Variants in FRMD4A observed in about 807,000 individuals in gnomAD.
FRMD4A encodes FERM domain containing 4A, also known as FERM domain-containing protein 4A.
FRMD4A carries 29 observed loss-of-function variants against 129.1 expected under a neutral mutation model. The ratio of observed to expected loss-of-function variants is 0.22; its 90% CI spans 0.17 to 0.31. The LOEUF is 0.31. Among genes scored for constraint, FRMD4A ranks in the 10% least tolerant of loss-of-function variants. FRMD4A has a pLI of 1.00. For missense variants in FRMD4A, 1,272 were observed against 1,375.8 expected, an observed-to-expected ratio of 0.92 and a Z score of 1.19; for synonymous variants, 634 against 571.6, an observed-to-expected ratio of 1.11 and a Z score of -1.56.
chr10:13,914,314 A>G (rs879700135), intron 2 of FRMD4A, among the ~76,000 whole-genome samples: 27 of 152,224 alleles, frequency 1.8e-4, no homozygotes, highest in Admixed American at 4.6e-4. Context: ...AGGAATGTCA[A>G]TTTCTGAAAT....
intron 3 of FRMD4A, among the ~76,000 whole-genome samples, chr10:13,844,162 T>C (rs1268152032): frequency 2.0e-5 from 3 of 152,154 alleles, no homozygotes; most frequent in African/African-American, 7.2e-5. Context: ...CATGAGTATA[T>C]GTATGTGAGT....
At chr10:14,202,505 G>A (rs765663037) in intron 2 of FRMD4A, among the ~76,000 whole-genome samples, 69 of 152,204 alleles carry the variant, frequency 4.5e-4, no homozygotes, top group Admixed American at 9.2e-4. Flanking sequence ...GGGTTCAAGC[G>A]ATTCTCCTGC....
intron 3 of FRMD4A, among the ~76,000 whole-genome samples, chr10:13,824,513 A>G (rs2093673185): frequency 6.6e-6 from 1 of 151,664 alleles, no homozygotes; most frequent in Admixed American, 6.6e-5. Context: ...ATAAATAAAT[A>G]AAGATAAAAA....
chr10:14,131,402 C>T (rs370651688), intron 2 of FRMD4A, among the ~76,000 whole-genome samples: 22 of 151,870 alleles, frequency 1.4e-4, no homozygotes, highest in Non-Finnish European at 2.4e-4. Context: ...CTGTGCCCCC[C>T]CCGGCCGCCC....
intron 2 of FRMD4A, among the ~76,000 whole-genome samples, chr10:14,115,589 T>A (rs1157230005): frequency 2.0e-5 from 3 of 152,166 alleles, no homozygotes; most frequent in Admixed American, 2.0e-4. Context: ...GATGTTTGGA[T>A]CATGGGAAAG....
At chr10:13,938,871 G>A (rs926251820) in intron 2 of FRMD4A, among the ~76,000 whole-genome samples, 3 of 151,798 alleles carry the variant, frequency 2.0e-5, no homozygotes, top group African/African-American at 7.3e-5. Flanking sequence ...GAAAGACCTG[G>A]TCCCAAATGT....
At chr10:13,895,330 C>G (rs149969038) in intron 2 of FRMD4A, among the ~76,000 whole-genome samples, 1 of 152,284 alleles carries the variant, frequency 6.6e-6, no homozygotes, top group East Asian at 1.9e-4. Flanking sequence ...TAAATGAGAA[C>G]ATGCAGAATT....
chr10:14,303,105 G>T (rs894771981), intron 2 of FRMD4A, among the ~76,000 whole-genome samples: 11 of 152,166 alleles, frequency 7.2e-5, no homozygotes, highest in Non-Finnish European at 1.3e-4. Flanking sequence ...TCCCTAGAGA[G>T]CTTTTGAAAA....
intron 2 of FRMD4A, among the ~76,000 whole-genome samples, chr10:14,046,520 T>A (rs1450439256): frequency 1.3e-5 from 2 of 152,172 alleles, no homozygotes; most frequent in African/African-American, 2.4e-5. Context: ...AATGCCTAAT[T>A]TGATGACATT....
At chr10:13,800,638 C>T (rs924774110) in intron 4 of FRMD4A, among the ~76,000 whole-genome samples, 1 of 152,220 alleles carries the variant, frequency 6.6e-6, no homozygotes, top group Non-Finnish European at 1.5e-5. Context: ...TGACCACACA[C>T]ACTGCAAGAG....
At chr10:13,771,313 G>A (rs1403492961) in intron 6 of FRMD4A, among the ~76,000 whole-genome samples, 1 of 152,014 alleles carries the variant, frequency 6.6e-6, no homozygotes, top group Non-Finnish European at 1.5e-5. Flanking sequence ...CTGGCCTCAA[G>A]CCAACTGCCT....
rs2095433088 is a variant in FRMD4A, at chr10:13,959,508, TG to T, written c.46-100597del. On this transcript the variant is annotated intron_variant, in intron 2 of 24. Coordinates refer to ENST00000357447, the MANE Select transcript of FRMD4A (RefSeq NM_018027.5). The stretch of plus-strand genomic sequence containing the variant: ...AAAAAAAAAAAAAAAAAGCTGTGAG[TG>T]ATTTTTTTTTTTAGATTTGTAATCA... Among the ~76,000 whole-genome samples the T allele has an allele frequency of 5.4e-5, 4 of 73,674 alleles. 1 individual carries two copies. The highest frequency in any genetic ancestry group is 1.2e-4 in the Non-Finnish European group (4 of 32,182). The allele number at this position is 73,674 out of a possible 152,430, so 48.3% of individuals were successfully genotyped here.
chr10:13,666,572 C>G (rs754609964), intron 17 of FRMD4A, among the ~76,000 whole-genome samples: 2 of 152,196 alleles, frequency 1.3e-5, no homozygotes, highest in Non-Finnish European at 2.9e-5. Flanking sequence ...AGAGTTCCCA[C>G]GATGCAGGTT....
chr10:13,898,626 C>A (rs928855665), intron 2 of FRMD4A, among the ~76,000 whole-genome samples: 2 of 152,180 alleles, frequency 1.3e-5, no homozygotes, highest in African/African-American at 4.8e-5. Flanking sequence ...GCTTCTCTGA[C>A]CAGCTTGGAG....
intron 3 of FRMD4A, among the ~76,000 whole-genome samples, chr10:13,840,907 A>C (rs1216260893): frequency 6.6e-6 from 1 of 151,976 alleles, no homozygotes; most frequent in Non-Finnish European, 1.5e-5. Context: ...CAGGAGTTCG[A>C]CACCAGCCTG....
intron 14 of FRMD4A, among the ~76,000 whole-genome samples, chr10:13,694,649 C>T (rs188113398): frequency 2.0e-5 from 3 of 152,288 alleles, no homozygotes; most frequent in Non-Finnish European, 4.4e-5. Context: ...GACAGTGGTT[C>T]TCCAGCTTGG....
chr10:13,712,711 C>T (rs757994744), intron 12 of FRMD4A, among the ~76,000 whole-genome samples: 5 of 152,166 alleles, frequency 3.3e-5, no homozygotes, highest in African/African-American at 4.8e-5. Flanking sequence ...ATCACAGGTC[C>T]TCCACTTCCC....
At chr10:13,665,955 T>A in intron 18 of FRMD4A, 142 bp downstream of exon 18, 1 of 647,200 alleles carries the variant, frequency 1.5e-6, no homozygotes, top group South Asian at 1.8e-5. Flanking sequence ...CCTTACTCGC[T>A]TCATTTTATG....
intron 2 of FRMD4A, among the ~76,000 whole-genome samples, chr10:13,981,738 CAAAAAAAAAAAAAAA>C (rs55829400): frequency 0.18 from 17,810 of 97,806 alleles, 2,987 homozygotes; most frequent in African/African-American, 0.43. Flanking sequence ...GACTCCGTGT[CAAAAAAAAAAAAAAA>C]AAAAAAAAAA....
Sources: allele counts gnomAD v4.1 joint callset (sites outside exome capture counted in the v4.1 genomes callset), GRCh38; gene constraint gnomAD v4.1.1; transcripts MANE v1.5; gene names NCBI Gene and HGNC (gene_info 2026-07-23, HGNC 2026-07-21).